Variants in LRP1 observed in about 807,000 individuals in gnomAD.
LRP1 encodes LDL receptor related protein 1.
A neutral mutation model predicts 541.5 loss-of-function variants in LRP1; 51 were observed. The observed-to-expected ratio is 0.09, with a 90% CI of 0.08 to 0.12. The LOEUF (loss-of-function observed/expected upper bound fraction) is 0.12. Among genes scored for constraint, LRP1 ranks in the 10% least tolerant of loss-of-function variants. The pLI, the probability that LRP1 is intolerant of heterozygous loss-of-function variation, is 1.00. For missense variants in LRP1, 3,878 were observed against 6,376.2 expected (o/e 0.61, Z 13.34); for synonymous variants, 2,219 against 2,470.8 (o/e 0.90, Z 3.02).
At chr12:57,145,155 C>G in intron 5 of LRP1, 55 bp downstream of exon 5, 1 of 1,613,368 alleles carries the variant, frequency 6.2e-7, no homozygotes, top group Admixed American at 1.7e-5. Context: ...AATGCTGTTC[C>G]CTGGTGGGTG....
At chr12:57,191,910 CA>C (rs2036405645) in intron 44 of LRP1, among the ~76,000 whole-genome samples, 1 of 41,128 alleles carries the variant, frequency 2.4e-5, no homozygotes. Context: ...ATACACACAC[CA>C]CCACACACAC....
At chr12:57,148,141 T>C in intron 6 of LRP1, among the ~76,000 whole-genome samples, 1 of 149,552 alleles carries the variant, frequency 6.7e-6, no homozygotes, top group East Asian at 2.0e-4. Flanking sequence ...TGATTTTAGA[T>C]GGTACCTGGA....
rs1279343580 is a variant in LRP1, at chr12:57,208,946, T to C, written c.12145+129T>C. On this transcript the variant is annotated intron_variant, in intron 78 of 88. Coordinates refer to ENST00000243077, the MANE Select transcript of LRP1 (RefSeq NM_002332.3). ...GGACTGGGGCAGGGCAGATTGGCCG[T>C]GGAGGCTTTTCCCGAAAGAGGTGAC... 4 of 1,066,244 alleles carry C rather than the reference T, an allele frequency of 3.8e-6. No individual in the cohort carries two copies. In the African/African-American group the frequency reaches 4.7e-5, roughly 12 times the overall value. The allele number at this position is 1,066,244 out of a possible 1,614,324, so 66.0% of individuals were successfully genotyped here.
chr12:57,166,433 C>T, intron 17 of LRP1: 1 of 528,880 alleles, frequency 1.9e-6, no homozygotes, highest in East Asian at 3.6e-5. Context: ...TGGTGGCGTG[C>T]ACCTCTAGTC....
intron 60 of LRP1, 99 bp downstream of exon 60, chr12:57,198,769 A>C: frequency 8.2e-7 from 1 of 1,213,380 alleles, no homozygotes; most frequent in Non-Finnish European, 1.2e-6. Context: ...AGTGGACATA[A>C]AAAGCGGAGG....
In LRP1 at chr12:57,195,345, G is replaced by A; in HGVS notation, c.8383G>A (p.Asp2795Asn). 1 of 1,612,348 alleles carries A rather than the reference G, an allele frequency of 6.2e-7. No individual in the cohort carries two copies. Among genetic ancestry groups the A allele is most frequent in the Non-Finnish European group, 8.5e-7 (1 of 1,180,024 alleles). The change falls in exon 52 of 89, where the codon GAC becomes AAC. Residue 2795 changes from aspartate to asparagine, a missense_variant. Asp to Asn is a conservative substitution (Grantham distance 23, BLOSUM62 1). Transcript: ENST00000243077. ...HVCVPERWLC[D>N]GDKDCADGAD... ...GTGCGTCCCCGAGCGCTGGCTCTGT[G>A]ACGGTGACAAAGACTGTGCTGATGG...
chr12:57,154,000 C>T (rs1463241022), intron 6 of LRP1, among the ~76,000 whole-genome samples: 2 of 152,042 alleles, frequency 1.3e-5, no homozygotes, highest in African/African-American at 4.8e-5. Context: ...CAAGGATGGG[C>T]TAGAATTGGG....
At chr12:57,200,561 A>G in intron 63 of LRP1, 26 bp downstream of exon 63, 2 of 1,597,994 alleles carry the variant, frequency 1.3e-6, no homozygotes, top group Non-Finnish European at 1.7e-6. Flanking sequence ...GGGTGACAGG[A>G]GGGCCCCCAG....
At chr12:57,163,794 T>A (rs2035786577) in intron 15 of LRP1, among the ~76,000 whole-genome samples, 2 of 152,222 alleles carry the variant, frequency 1.3e-5, no homozygotes, top group Admixed American at 1.3e-4. Context: ...TCGGTTCAAG[T>A]GTCACAGCAT....
Position 57,204,288 on chromosome 12 carries a change from T to C in LRP1, c.10952-122T>C. On this transcript the variant is annotated intron_variant, in intron 70 of 88. Coordinates refer to ENST00000243077, the MANE Select transcript of LRP1 (RefSeq NM_002332.3). The surrounding 1 kb of genome is among the most constrained non-coding windows in gnomAD (Gnocchi z 5.3). The stretch of plus-strand genomic sequence containing the variant: ...CAAGTAGAAATTTAAGAGACCTGGT[T>C]CCAATTTGGCTGTGCCACTGCTTGC... The C allele has an allele frequency of 8.4e-7, 1 of 1,188,186 alleles. No homozygotes were observed. Among genetic ancestry groups the C allele is most frequent in the Non-Finnish European group, 1.1e-6 (1 of 873,930 alleles). The allele number at this position is 1,188,186 out of a possible 1,614,324, so 73.6% of individuals were successfully genotyped here. A position where few individuals can be genotyped will look rare whatever the true frequency, so the allele number is the denominator to read the frequency against.
At chr12:57,150,422 G>C (rs1215800916) in intron 6 of LRP1, among the ~76,000 whole-genome samples, 1 of 152,044 alleles carries the variant, frequency 6.6e-6, no homozygotes, top group Non-Finnish European at 1.5e-5. Flanking sequence ...CGATCTCCTG[G>C]CCTCATGATC....
Position 57,190,820 on chromosome 12 carries a change from C to T in LRP1, c.7047C>T (p.Thr2349=). 1 of 1,613,890 alleles carries T rather than the reference C, an allele frequency of 6.2e-7. No homozygotes were observed. The highest frequency in any genetic ancestry group is 2.2e-5 in the East Asian group (1 of 44,888). ...LDECQNLMFW[T]NWNEQHPSIM... is the part of the protein sequence containing the mutation. ...CTTCCCCCAGCCTCATGTTCTGGAC[C>T]AACTGGAATGAGCAGCATCCCAGCA... is the stretch of plus-strand genomic sequence containing the variant. Residue 2349 remains threonine, a synonymous_variant, in exon 43 of 89, where the codon ACC becomes ACT. Transcript: ENST00000243077.
At position 57,177,783 on chromosome 12, in the gene LRP1, G is replaced by A. The variant is rs35929336; in HGVS notation, c.4361+192G>A. Among the ~76,000 whole-genome samples, 813 of 152,250 alleles carry A rather than the reference G, an allele frequency of 5.3e-3. 9 individuals are homozygous for A. Among genetic ancestry groups the A allele is most frequent in the African/African-American group, 0.018 (767 of 41,540 alleles). On this transcript the variant is annotated intron_variant, in intron 26 of 88. Transcript: ENST00000243077. This position sits in a 1 kb window ranked among gnomAD's most constrained non-coding sequence, Gnocchi z 6.8. The stretch of plus-strand genomic sequence containing the variant: ...CAGGGCCGAGGGGAGGGGGCAGGTA[G>A]AGGAGGCGGAAGCAGGGCCATCAGC...
chr12:57,145,984 A>G (rs1305779427), intron 6 of LRP1, among the ~76,000 whole-genome samples: 1 of 152,124 alleles, frequency 6.6e-6, no homozygotes, highest in African/African-American at 2.4e-5. Context: ...GGAGGGCAGT[A>G]CTGAGGTTAT....
intron 44 of LRP1, among the ~76,000 whole-genome samples, chr12:57,191,946 T>TACACACACCACACACACACCACAC (rs2036411575): frequency 3.5e-4 from 2 of 5,658 alleles, no homozygotes; most frequent in Non-Finnish European, 7.1e-4. Flanking sequence ...ACACACCACA[T>TACACACACCACACACACACCACAC]ACACACACCA....
intron 83 of LRP1, 81 bp downstream of exon 83, chr12:57,210,960 G>A (rs760301847): frequency 7.1e-4 from 1,079 of 1,526,916 alleles, no homozygotes; most frequent in Non-Finnish European, 8.6e-4. Flanking sequence ...TTCAACCTGT[G>A]CCTGGGACCC....
Position 57,162,259 on chromosome 12 carries a change from C to A in LRP1, c.2203-58C>A. 1 of 1,408,400 alleles carries A rather than the reference C, an allele frequency of 7.1e-7. No individual in the cohort carries two copies. Among genetic ancestry groups the A allele is most frequent in the Non-Finnish European group, 1.0e-6 (1 of 994,766 alleles). The allele number at this position is 1,408,400 out of a possible 1,614,324, so 87.2% of individuals were successfully genotyped here. A position where few individuals can be genotyped will look rare whatever the true frequency, so the allele number is the denominator to read the frequency against. ...ACAAATGAATGTACAAAACAGTGAT[C>A]TCACAGGCCTCCCTCAATTTTCTTC... On this transcript the variant is annotated intron_variant, in intron 13 of 88. Transcript: ENST00000243077. The surrounding 1 kb of genome is among the most constrained non-coding windows in gnomAD (Gnocchi z 5.2).
chr12:57,129,100 C>A (rs1447451229), intron 1 of LRP1, 69 bp downstream of exon 1: 4 of 1,452,358 alleles, frequency 2.8e-6, no homozygotes. Context: ...CTCCTGCATA[C>A]GGATGGGGAA....
rs76321095 is a variant in LRP1 at position 57,153,948 on chromosome 12, G to A, written c.842-260G>A. Among the ~76,000 whole-genome samples, 54 of 152,064 alleles carry A rather than the reference G, an allele frequency of 3.6e-4. No homozygotes were observed. In the East Asian group the frequency reaches 0.01, roughly 29 times the overall value. On this transcript the variant is annotated intron_variant, in intron 6 of 88. Coordinates refer to ENST00000243077, the MANE Select transcript of LRP1 (RefSeq NM_002332.3). Reference sequence around the variant, plus strand: ...AAAACTGGACTGAGCTAGTGGACCTGTGCTCTCTACCTTTTGGTGCCCCAA... The same window carrying A: ...AAAACTGGACTGAGCTAGTGGACCTATGCTCTCTACCTTTTGGTGCCCCAA...
Sources: gnomAD v4.1 joint callset for allele counts (sites outside exome capture counted in the v4.1 genomes callset) on GRCh38, gnomAD v4.1.1 for gene constraint, Gnocchi (gnomAD v3.1) non-coding constraint, MANE v1.5 for transcripts, NCBI Gene and HGNC (gene_info 2026-07-23, HGNC 2026-07-21) for gene names.